EP400: variants seen among roughly 807,000 people sequenced by gnomAD.
The protein encoded by EP400 is E1A-binding protein p400.
EP400 carries 105 observed loss-of-function variants against 354.1 expected under a neutral mutation model. The ratio of observed to expected loss-of-function variants is 0.30; its 90% CI spans 0.25 to 0.35. The LOEUF is 0.35. Among genes scored for constraint, EP400 ranks in the 10% least tolerant of loss-of-function variants. EP400 has a pLI of 1.00. For missense variants in EP400, 3,280 were observed against 4,121.0 expected (o/e 0.80, Z 5.59); for synonymous variants, 1,646 against 1,716.9 (o/e 0.96, Z 1.02).
chr12:132,003,748 A>G (rs1234483139), intron 12 of EP400, among the ~76,000 whole-genome samples: 3 of 152,210 alleles, frequency 2.0e-5, no homozygotes, highest in Non-Finnish European at 2.9e-5. Flanking sequence ...TCATGGACAC[A>G]CCACCTGAAT....
At chr12:132,042,085 G>A (rs1252481808) in intron 32 of EP400, among the ~76,000 whole-genome samples, 1 of 151,722 alleles carries the variant, frequency 6.6e-6, no homozygotes, top group Non-Finnish European at 1.5e-5. Context: ...CAAGTAGCTG[G>A]AATTACAGGT....
intron 1 of EP400, among the ~76,000 whole-genome samples, chr12:131,952,337 A>G (rs1324711663): frequency 5.6e-4 from 79 of 140,636 alleles, no homozygotes; most frequent in African/African-American, 2.1e-3. Context: ...AAAAAGAAAT[A>G]GGGTTTCACC....
At chr12:131,997,457 G>A (rs1032122548) in intron 12 of EP400, among the ~76,000 whole-genome samples, 5 of 151,712 alleles carry the variant, frequency 3.3e-5, no homozygotes, top group South Asian at 2.1e-4. Context: ...TTGTAGATAC[G>A]GGATTTCAGG....
rs1327790190 is a variant in EP400 at position 132,050,736 on chromosome 12, A to G, written c.7394+81A>G. ...TCATCTAAGTTCAGTGAGTTCAGCA[A>G]ATCGTTGTGCACTTAGCGTGTTCAG... On this transcript the variant is annotated intron_variant, in intron 41 of 52. Coordinates refer to ENST00000389561, the MANE Select transcript of EP400 (RefSeq NM_015409.5). The surrounding 1 kb of genome is among the most constrained non-coding windows in gnomAD (Gnocchi z 4.8). 3 of 1,559,930 alleles carry G rather than the reference A, an allele frequency of 1.9e-6. No individual in the cohort carries two copies. The highest frequency in any genetic ancestry group is 3.3e-5 in the Admixed American group (2 of 59,898).
chr12:132,067,424 G>GTCCAGCAGCAGAAGGCCA lies in EP400; in HGVS notation c.8819_8836dup (p.Gln2940_Gln2945dup). On this transcript the variant is annotated inframe_insertion, in exon 50 of 53. Transcript: ENST00000389561. The surrounding 1 kb of genome is among the most constrained non-coding windows in gnomAD (Gnocchi z 5.3). ...GCTGCTGAAGCTGAAGCAGCAGGCCGTCCAGCAGCAGAAGGCCATCCAGCC... is the reference window on the plus strand; with the variant it reads ...GCTGCTGAAGCTGAAGCAGCAGGCCGTCCAGCAGCAGAAGGCCATCCAGCAGCAGAAGGCCATCCAGCC... 1 of 1,613,458 alleles carries GTCCAGCAGCAGAAGGCCA rather than the reference G, an allele frequency of 6.2e-7. No homozygotes were observed.
rs1593365889 is a variant in EP400 at position 132,038,923 on chromosome 12, G to A, written c.6207+827G>A. Among the ~76,000 whole-genome samples the A allele has an allele frequency of 6.6e-6, 1 of 152,118 alleles. No individual in the cohort carries two copies. Among genetic ancestry groups the A allele is most frequent in the African/African-American group, 2.4e-5 (1 of 41,416 alleles). On this transcript the variant is annotated intron_variant, in intron 32 of 52. Coordinates refer to ENST00000389561, the MANE Select transcript of EP400 (RefSeq NM_015409.5). This position sits in a 1 kb window ranked among gnomAD's most constrained non-coding sequence, Gnocchi z 4.2. ...GTGCCTCTTACCTTGGAAGGATTTGGTATCCCTGTACATCTTTCTTCCTGC... is the reference window on the plus strand; with the variant it reads ...GTGCCTCTTACCTTGGAAGGATTTGATATCCCTGTACATCTTTCTTCCTGC...
At position 132,014,307 on chromosome 12, in the gene EP400, G is replaced by A. The variant is rs560988127; in HGVS notation, c.3923+394G>A. On this transcript the variant is annotated intron_variant, in intron 19 of 52. Transcript: ENST00000389561. ...GGACTTGGGTCGGCTGTGGCCCACC[G>A]GAGGTGGCACGCTGGTGTCTGTGGC... Among the ~76,000 whole-genome samples, 13 of 152,348 alleles carry A rather than the reference G, an allele frequency of 8.5e-5. No homozygotes were observed. In the South Asian group the frequency reaches 1.9e-3, roughly 22 times the overall value.
intron 16 of EP400, among the ~76,000 whole-genome samples, chr12:132,012,176 G>A (rs920736819): frequency 1.3e-5 from 2 of 152,192 alleles, no homozygotes; most frequent in Non-Finnish European, 2.9e-5. Context: ...AGACATCATT[G>A]TGTTGAGTAG....
rs1895352479 is a variant in EP400 at position 132,052,935 on chromosome 12, C to T, written c.7395-211C>T. On this transcript the variant is annotated intron_variant, in intron 41 of 52. Transcript: ENST00000389561. The surrounding 1 kb of genome is among the most constrained non-coding windows in gnomAD (Gnocchi z 4.4). The stretch of plus-strand genomic sequence containing the variant: ...ACTTTTCCTGGAGAGTGGGAGAGCT[C>T]GGCCTCAAGGAAGAGGACTCAGCGC... Among the ~76,000 whole-genome samples the T allele has an allele frequency of 6.6e-6, 1 of 151,754 alleles. No individual in the cohort carries two copies. Among genetic ancestry groups the T allele is most frequent in the Non-Finnish European group, 1.5e-5 (1 of 67,952 alleles).
intron 34 of EP400, 38 bp downstream of exon 34, chr12:132,043,766 C>T (rs545554761): frequency 1.3e-6 from 2 of 1,541,786 alleles, no homozygotes; most frequent in Middle Eastern, 1.7e-4. Context: ...AAAAAATTTG[C>T]AATATTTTCA....
At chr12:132,056,186 C>G (rs936838037) in intron 45 of EP400, among the ~76,000 whole-genome samples, 1 of 152,046 alleles carries the variant, frequency 6.6e-6, no homozygotes, top group Non-Finnish European at 1.5e-5. Flanking sequence ...ATTTGTATCT[C>G]GATTTTCCAA....
At chr12:132,015,174 A>G (rs1462980162) in intron 19 of EP400, among the ~76,000 whole-genome samples, 2 of 152,248 alleles carry the variant, frequency 1.3e-5, no homozygotes, top group Non-Finnish European at 2.9e-5. Flanking sequence ...GTAAGTGTGC[A>G]TGATGACTGT....
Position 132,045,716 on chromosome 12 carries a change from T to C in EP400, c.7027-11T>C. The C allele has an allele frequency of 2.5e-6, 4 of 1,613,952 alleles. No individual in the cohort carries two copies. Among genetic ancestry groups the C allele is most frequent in the Non-Finnish European group, 3.4e-6 (4 of 1,179,856 alleles). Reference sequence around the variant, plus strand: ...GTATTCACCTGTTTTACCTGAAATCTCCTTCTCTAGGCTGTAAAGCAGTTA... The same window carrying C: ...GTATTCACCTGTTTTACCTGAAATCCCCTTCTCTAGGCTGTAAAGCAGTTA... On this transcript the variant is annotated splice_polypyrimidine_tract_variant and intron_variant, in intron 38 of 52. Coordinates refer to ENST00000389561, the MANE Select transcript of EP400 (RefSeq NM_015409.5).
At position 132,013,614 on chromosome 12, in the gene EP400, A is replaced by G; in HGVS notation, c.3736A>G (p.Ser1246Gly). Reference protein sequence around the residue: ...PYLSSPLRAPSEESQDYYHKV... With the variant: ...PYLSSPLRAPGEESQDYYHKV... ...CCTGAGCTCCCCTCTGAGGGCCCCC[A>G]GTGAAGAGAGCCAGGATTACTACCA... The change falls in exon 18 of 53, where the codon AGT becomes GGT. Residue 1246 changes from serine to glycine, a missense_variant. Transcript: ENST00000389561. The surrounding 1 kb of genome is among the most constrained non-coding windows in gnomAD (Gnocchi z 4.5). 6.2e-7 allele frequency: 1 copy of G among 1,613,862 alleles called. No individual in the cohort carries two copies.
Position 131,993,721 on chromosome 12 carries a change from C to G in EP400, c.2738-1146C>G, listed in dbSNP as rs76779374. On this transcript the variant is annotated intron_variant, in intron 11 of 52. Transcript: ENST00000389561. ...TACAAACCTGCACACAGGTGACTCT[C>G]CTGAATCCTGTGGGTAATTGGAATA... Among the ~76,000 whole-genome samples the G allele has an allele frequency of 7.1e-3, 1,084 of 152,318 alleles. 34 individuals are homozygous for G. In the South Asian group the frequency reaches 0.094, roughly 13 times the overall value.
rs761209665 is a variant in EP400, at chr12:132,006,105, GT to G, written c.2936-5del. 11 of 1,610,630 alleles carry G rather than the reference GT, an allele frequency of 6.8e-6. No individual in the cohort carries two copies. The highest frequency in any genetic ancestry group is 1.7e-5 in the Admixed American group (1 of 59,784). On this transcript the variant is annotated splice_polypyrimidine_tract_variant and splice_region_variant and intron_variant, in intron 13 of 52. Transcript: ENST00000389561. ...GCCCTCACTTCTCTGTTTTATTGTC[GT>G]TACAGATGCAGATGACTGTCCAGGC...
chr12:132,041,460 C>G (rs1230004769), intron 32 of EP400, among the ~76,000 whole-genome samples: 7 of 152,240 alleles, frequency 4.6e-5, no homozygotes, highest in African/African-American at 1.4e-4. Flanking sequence ...TCTGCACTTT[C>G]CATACGTGGA....
chr12:132,038,100 A>G lies in EP400; in HGVS notation c.6207+4A>G, dbSNP rs201796321. Reference sequence around the variant, plus strand: ...AATTGCAAGACCTTTCATAGAGGTAAGAATACATTGAATCTGGCTGAAGAG... The same window carrying G: ...AATTGCAAGACCTTTCATAGAGGTAGGAATACATTGAATCTGGCTGAAGAG... On this transcript the variant is annotated splice_donor_region_variant and intron_variant, in intron 32 of 52. Transcript: ENST00000389561. The surrounding 1 kb of genome is among the most constrained non-coding windows in gnomAD (Gnocchi z 4.2). The G allele has an allele frequency of 1.2e-6, 2 of 1,614,184 alleles. No individual in the cohort carries two copies. Among genetic ancestry groups the G allele is most frequent in the Non-Finnish European group, 1.7e-6 (2 of 1,180,024 alleles).
intron 51 of EP400, among the ~76,000 whole-genome samples, chr12:132,071,887 C>G (rs183786759): frequency 2.0e-5 from 3 of 152,214 alleles, no homozygotes; most frequent in African/African-American, 7.2e-5. Flanking sequence ...TTTGTCTCCT[C>G]CAATAAAGCA....
Sources: allele counts gnomAD v4.1 joint callset (sites outside exome capture counted in the v4.1 genomes callset), GRCh38; gene constraint gnomAD v4.1.1; non-coding constraint Gnocchi (gnomAD v3.1); transcripts MANE v1.5; gene names NCBI Gene and HGNC (gene_info 2026-07-23, HGNC 2026-07-21).